The following ARMC6 variants were observed in gnomAD, a reference collection of about 807,000 sequenced individuals.
ARMC6 encodes armadillo repeat-containing protein 6.
ARMC6 carries 43 observed loss-of-function variants against 49.2 expected under a neutral mutation model. That is an observed-to-expected ratio of 0.87 (90% CI 0.69 to 1.13). The LOEUF is 1.13. ARMC6 is among the 50% of genes most tolerant of loss of function. The pLI is 0.00. For synonymous variants in ARMC6, 262 were observed against 289.6 expected (o/e 0.90, Z 0.97); for missense variants, 627 against 682.0 (o/e 0.92, Z 0.90).
chr19:19,034,348 G>C, intron 2 of ARMC6, 110 bp downstream of exon 2: 1 of 1,349,730 alleles, frequency 7.4e-7, no homozygotes, highest in Non-Finnish European at 1.0e-6. Flanking sequence ...GATGAGAAAG[G>C]CGGGGAAGAG....
At chr19:19,037,613 G>T in intron 2 of ARMC6, 3 of 1,242,606 alleles carry the variant, frequency 2.4e-6, no homozygotes, top group Non-Finnish European at 3.1e-6. Flanking sequence ...TGATCCTTCC[G>T]CCTCGGCCTC....
chr19:19,040,178 G>T (rs2059400386), intron 2 of ARMC6, among the ~76,000 whole-genome samples: 1 of 152,152 alleles, frequency 6.6e-6, no homozygotes, highest in Admixed American at 6.5e-5. Flanking sequence ...GGTGCATTTT[G>T]TTCTTGTTCA....
intron 2 of ARMC6, among the ~76,000 whole-genome samples, chr19:19,040,094 G>T (rs748471539): frequency 6.6e-6 from 1 of 152,208 alleles, no homozygotes; most frequent in Non-Finnish European, 1.5e-5. Flanking sequence ...GATAGAGAAC[G>T]TTTCATCATA....
rs2059536245 is a variant in ARMC6 at position 19,055,437 on chromosome 19, C to T, written c.1155+41C>T. On this transcript the variant is annotated intron_variant, in intron 7 of 8. Transcript: ENST00000535612. This position sits in a 1 kb window ranked among gnomAD's most constrained non-coding sequence, Gnocchi z 5.7. ...GGCACACACAGTAGCAGGGTGGTGG[C>T]TGGAGTCCCAGTTCAGTTTCTGTAT... 1 of 1,551,162 alleles carries T rather than the reference C, an allele frequency of 6.4e-7. No individual in the cohort carries two copies. The highest frequency in any genetic ancestry group is 8.7e-7 in the Non-Finnish European group (1 of 1,148,436).
chr19:19,036,546 CG>C (rs1204675259), intron 2 of ARMC6, among the ~76,000 whole-genome samples: 19 of 152,106 alleles, frequency 1.2e-4, no homozygotes, highest in Non-Finnish European at 2.5e-4. Context: ...CTGGCCTGGC[CG>C]GGGTGGTGGG....
At chr19:19,049,601 G>C (rs2145868425) in intron 4 of ARMC6, among the ~76,000 whole-genome samples, 1 of 152,296 alleles carries the variant, frequency 6.6e-6, no homozygotes, top group South Asian at 2.1e-4. Flanking sequence ...ATAATGTTGT[G>C]CAACCATCAT....
intron 5 of ARMC6, among the ~76,000 whole-genome samples, chr19:19,052,815 G>A (rs1265895911): frequency 2.6e-5 from 4 of 152,180 alleles, no homozygotes; most frequent in Admixed American, 2.0e-4. Flanking sequence ...CTGTGGCCAG[G>A]CCTGTGTGGG....
In ARMC6 at chr19:19,033,656, C is replaced by G. The variant is rs1000800274; in HGVS notation, c.-354C>G. The G allele has an allele frequency of 1.6e-5, 14 of 892,342 alleles. No homozygotes were observed. Among genetic ancestry groups the G allele is most frequent in the Non-Finnish European group, 2.0e-5 (14 of 702,516 alleles). 55.3% of individuals were successfully genotyped at this position (892,342 alleles called of 1,614,324 possible). On this transcript the variant is annotated 5_prime_UTR_variant, in exon 1 of 9. Transcript: ENST00000535612. ...TGTCCGCTTCTTCTGGGCGGACGCT[C>G]TGGAGGCAAAACATTTCCCTGCTGG...
chr19:19,052,078 C>T lies in ARMC6; in HGVS notation c.736C>T (p.Leu246=). The change falls in exon 5 of 9, where the codon CTG becomes TTG. Residue 246 remains leucine (L), a synonymous_variant. Coordinates refer to ENST00000535612, the MANE Select transcript of ARMC6 (RefSeq NM_001199196.2). ...CGTGGTCAGGGAAGCCTGCTGGGCC[C>T]TGCGTGTCATGACCTTCGATGACGA... is the stretch of plus-strand genomic sequence containing the variant. The part of the protein sequence containing the change: ...TDVVREACWA[L]RVMTFDDDIR... 1.2e-6 allele frequency: 2 copies of T among 1,613,964 alleles called. No individual in the cohort carries two copies. Among genetic ancestry groups the T allele is most frequent in the Non-Finnish European group, 1.7e-6 (2 of 1,180,052 alleles).
In ARMC6 at chr19:19,057,468, C is replaced by T. The variant is rs752023117; in HGVS notation, c.1346C>T (p.Ser449Leu). 1.4e-5 allele frequency: 22 copies of T among 1,613,938 alleles called. 1 individual carries two copies. Among genetic ancestry groups the T allele is most frequent in the South Asian group, 6.6e-5 (6 of 91,076 alleles). The change falls in exon 9 of 9, where the codon TCG becomes TTG. Residue 449 changes from serine to leucine, a missense_variant. By Grantham distance (145) the Ser-to-Leu change is moderately radical (BLOSUM62 -2). Coordinates refer to ENST00000535612, the MANE Select transcript of ARMC6 (RefSeq NM_001199196.2). ...CTGGTGGCCCACGGCCAGGCCTTCT[C>T]GAAGCCCATCCTGGACCTGGGGGCT... ...RNLVAHGQAFSKPILDLGAEA... is the reference protein window; with the variant it reads ...RNLVAHGQAFLKPILDLGAEA...
In ARMC6 at chr19:19,042,652, A is replaced by G. The variant is rs903793204; in HGVS notation, c.30-59A>G. The G allele has an allele frequency of 5.0e-6, 8 of 1,588,604 alleles. No individual in the cohort carries two copies. In the Admixed American group the frequency reaches 8.4e-5, roughly 17 times the overall value. On this transcript the variant is annotated intron_variant, in intron 2 of 8. Coordinates refer to ENST00000535612, the MANE Select transcript of ARMC6 (RefSeq NM_001199196.2). ...CCTAAGTGGCGTTTTCAAGGTGGCCAGGCCCTGCCATTGCCTGCTCACCCT... is the reference window on the plus strand; with the variant it reads ...CCTAAGTGGCGTTTTCAAGGTGGCCGGGCCCTGCCATTGCCTGCTCACCCT...
chr19:19,051,629 G>A lies in ARMC6; in HGVS notation c.287G>A (p.Ser96Asn). ...TTCTCCCATGTCTCCCAGATGCTCA[G>A]TGACCTCCAGGAGTCTGTGGCCAGC... The part of the protein sequence containing the change: ...EPTHDILQML[S>N]DLQESVASSR... The change falls in exon 5 of 9, where the codon AGT (serine) becomes AAT (asparagine). Residue 96 changes from serine (S) to asparagine (N), a missense_variant. Transcript: ENST00000535612. The A allele has an allele frequency of 6.3e-7, 1 of 1,592,346 alleles. No individual in the cohort carries two copies. Among genetic ancestry groups the A allele is most frequent in the Non-Finnish European group, 8.6e-7 (1 of 1,168,632 alleles).
At chr19:19,045,353 C>G (rs892165400) in intron 4 of ARMC6, among the ~76,000 whole-genome samples, 5 of 152,134 alleles carry the variant, frequency 3.3e-5, no homozygotes, top group Non-Finnish European at 5.9e-5. Flanking sequence ...TTCTGGCTAT[C>G]TTTGCATTGG....
At chr19:19,051,594 A>T in intron 4 of ARMC6, 28 bp from the exon 5 acceptor site, 1 of 1,558,016 alleles carries the variant, frequency 6.4e-7, no homozygotes, top group East Asian at 2.3e-5. Flanking sequence ...GCCTGAGCTG[A>T]TGCTGAGGTT....
rs1219657339 is a variant in ARMC6, at chr19:19,033,633, T to G, written c.-377T>G. On this transcript the variant is annotated 5_prime_UTR_variant, in exon 1 of 9. Transcript: ENST00000535612. Reference sequence around the variant, plus strand: ...CCGGCTCTCTTGCGCAAGCGCGCTGTCCGCTTCTTCTGGGCGGACGCTCTG... The same window carrying G: ...CCGGCTCTCTTGCGCAAGCGCGCTGGCCGCTTCTTCTGGGCGGACGCTCTG... 1 of 1,120,482 alleles carries G rather than the reference T, an allele frequency of 8.9e-7. No individual in the cohort carries two copies. Among genetic ancestry groups the G allele is most frequent in the Non-Finnish European group, 1.1e-6 (1 of 908,078 alleles). The allele number at this position is 1,120,482 out of a possible 1,614,324, so 69.4% of individuals were successfully genotyped here. A position where few individuals can be genotyped will look rare whatever the true frequency, so the allele number is the denominator to read the frequency against.
At position 19,033,617 on chromosome 19, in the gene ARMC6, T is replaced by C; in HGVS notation, c.-393T>C. ...CGCGGGCCGCCGCGGCCCGGCTCTCTTGCGCAAGCGCGCTGTCCGCTTCTT... is the reference window on the plus strand; with the variant it reads ...CGCGGGCCGCCGCGGCCCGGCTCTCCTGCGCAAGCGCGCTGTCCGCTTCTT... On this transcript the variant is annotated 5_prime_UTR_variant, in exon 1 of 9. Transcript: ENST00000535612. 8.7e-7 allele frequency: 1 copy of C among 1,154,598 alleles called. No individual in the cohort carries two copies. Among genetic ancestry groups the C allele is most frequent in the Non-Finnish European group, 1.1e-6 (1 of 938,180 alleles). 71.5% of individuals were successfully genotyped at this position (1,154,598 alleles called of 1,614,324 possible).
chr19:19,055,234 C>A lies in ARMC6; in HGVS notation c.1024-31C>A. On this transcript the variant is annotated intron_variant, in intron 6 of 8. Coordinates refer to ENST00000535612, the MANE Select transcript of ARMC6 (RefSeq NM_001199196.2). This position sits in a 1 kb window ranked among gnomAD's most constrained non-coding sequence, Gnocchi z 5.7. ...CCCTCTCCCACAACCAGCGGCCTGG[C>A]TGGAGGTGAGCGGGCCTTTCCCTTG... 6.4e-7 allele frequency: 1 copy of A among 1,556,364 alleles called. No homozygotes were observed.
Position 19,057,788 on chromosome 19 carries a change from T to G in ARMC6, c.*160T>G. The G allele has an allele frequency of 9.9e-5, 75 of 757,896 alleles. No homozygotes were observed. Among genetic ancestry groups the G allele is most frequent in the East Asian group, 2.5e-4 (9 of 36,200 alleles). 46.9% of individuals were successfully genotyped at this position (757,896 alleles called of 1,614,324 possible). A position where few individuals can be genotyped will look rare whatever the true frequency, so the allele number is the denominator to read the frequency against. On this transcript the variant is annotated 3_prime_UTR_variant, in exon 9 of 9. Coordinates refer to ENST00000535612, the MANE Select transcript of ARMC6 (RefSeq NM_001199196.2). ...AAAGGGTCGGGGGAGGGGGGAGCCT[T>G]GTAGGGAGGCCTCTACACAGAAGAA...
At chr19:19,049,502 C>T (rs901913111) in intron 4 of ARMC6, among the ~76,000 whole-genome samples, 2 of 152,228 alleles carry the variant, frequency 1.3e-5, no homozygotes, top group African/African-American at 4.8e-5. Context: ...TGAAGTGCTA[C>T]ACCGCTGTTT....
Sources: allele counts gnomAD v4.1 joint callset (sites outside exome capture counted in the v4.1 genomes callset), GRCh38; gene constraint gnomAD v4.1.1; non-coding constraint Gnocchi (gnomAD v3.1); transcripts MANE v1.5; gene names NCBI Gene and HGNC (gene_info 2026-07-23, HGNC 2026-07-21).